Variants in ZNF185 observed in about 807,000 individuals in gnomAD.
ZNF185 encodes the protein zinc finger protein 185.
ZNF185 carries 56 observed loss-of-function variants against 58.6 expected under a neutral mutation model. The ratio of observed to expected loss-of-function variants is 0.95; its 90% CI spans 0.77 to 1.19. The LOEUF (loss-of-function observed/expected upper bound fraction) is 1.19, where lower values mean the gene tolerates loss of function less well. Among genes scored for constraint, ZNF185 ranks in the 50% most tolerant of loss-of-function variants. The pLI, the probability that ZNF185 is intolerant of heterozygous loss-of-function variation, is 0.00. For missense variants in ZNF185, 627 were observed against 573.5 expected (o/e 1.09, Z -0.95); for synonymous variants, 230 against 215.9 (o/e 1.07, Z -0.57).
the ZNF185 span, among the ~76,000 whole-genome samples, chrX:152,903,798 C>T: frequency 9.0e-6 from 1 of 111,680 alleles, no homozygotes; most frequent in South Asian, 3.8e-4. Flanking sequence ...GGAGGAATCC[C>T]GAGGCCCCAA....
intron 21 of ZNF185, 75 bp downstream of exon 23, chrX:152,969,559 G>T: frequency 1.2e-6 from 1 of 803,774 alleles, no homozygotes; most frequent in Non-Finnish European, 1.8e-6. Flanking sequence ...GTTTTGTAGA[G>T]TGCGGGAGTC....
At chrX:152,909,651 C>A (rs1426332824), upstream of ZNF185, among the ~76,000 whole-genome samples, 3 of 112,588 alleles carry the variant, frequency 2.7e-5, no homozygotes, top group Non-Finnish European at 5.6e-5. Context: ...CCCGAAACAC[C>A]CCTGCCTGCT....
intron 16 of ZNF185, among the ~76,000 whole-genome samples, chrX:152,958,293 G>A (rs1434937299): frequency 4.5e-5 from 5 of 111,522 alleles, no homozygotes; most frequent in Non-Finnish European, 9.4e-5. Flanking sequence ...CTGCTGGAAG[G>A]GGAAGAGAAG....
intron 16 of ZNF185, among the ~76,000 whole-genome samples, chrX:152,957,094 C>T (rs2048915150): frequency 9.8e-6 from 1 of 101,877 alleles, no homozygotes; most frequent in African/African-American, 3.6e-5. Flanking sequence ...TTTTTTGAGA[C>T]GGAGTCTTGT....
At chrX:152,936,256 G>A (rs980311830) in intron 14 of ZNF185, among the ~76,000 whole-genome samples, 162 bp from the exon 16 acceptor site, 5 of 112,659 alleles carry the variant, frequency 4.4e-5, no homozygotes, top group African/African-American at 1.6e-4. Context: ...AGAGCCCCAG[G>A]TGTCAGGCTG....
chrX:152,961,256 A>C (rs782350293), intron 17 of ZNF185, among the ~76,000 whole-genome samples: 17 of 111,863 alleles, frequency 1.5e-4, no homozygotes, highest in Non-Finnish European at 2.4e-4. Flanking sequence ...GGCTTCAGGA[A>C]CAGGGTGAGG....
chrX:152,930,275 G>C (rs1556876193), intron 12 of ZNF185, among the ~76,000 whole-genome samples: 3 of 112,286 alleles, frequency 2.7e-5, no homozygotes, highest in Non-Finnish European at 5.6e-5. Context: ...CATTTGACGA[G>C]TTTATTCGTA....
At chrX:152,913,089 G>C (rs1314032638), upstream of ZNF185, among the ~76,000 whole-genome samples, 1 of 112,578 alleles carries the variant, frequency 8.9e-6, no homozygotes, top group Non-Finnish European at 1.9e-5. Context: ...CTGCCCATTT[G>C]AGTGTGCCCC....
chrX:152,968,804 A>AG, intron 20 of ZNF185, among the ~76,000 whole-genome samples: 1 of 112,864 alleles, frequency 8.9e-6, no homozygotes, highest in Non-Finnish European at 1.9e-5. Flanking sequence ...AGAAAAGCAG[A>AG]GGTGACTCTC....
chrX:152,952,324 T>C (rs1446781638), intron 16 of ZNF185, among the ~76,000 whole-genome samples: 1 of 112,660 alleles, frequency 8.9e-6, no homozygotes, highest in Non-Finnish European at 1.9e-5. Flanking sequence ...TTTTGTTGTT[T>C]ACACTGAAAG....
Position 152,920,430 on chromosome X carries a change from G to T in ZNF185, c.614+19G>T. ...GCACTGGGTGAGTTGCCACCAACTG[G>T]CTCCAGGCTCTAGGACAGCTCTCCT... On this transcript the variant is annotated intron_variant, in intron 8 of 22. Transcript: ENST00000449285. 8.3e-7 allele frequency: 1 copy of T among 1,199,680 alleles called. No individual in the cohort carries two copies. The highest frequency in any genetic ancestry group is 1.1e-6 in the Non-Finnish European group (1 of 886,031).
intron 11 of ZNF185, among the ~76,000 whole-genome samples, chrX:152,925,475 C>T (rs782208220): frequency 1.8e-5 from 2 of 112,451 alleles, no homozygotes; most frequent in Non-Finnish European, 3.8e-5. Flanking sequence ...GTTGCCATAA[C>T]AAATAAAGGC....
chrX:152,915,793 C>G (rs1556865427), intron 3 of ZNF185, among the ~76,000 whole-genome samples: 1 of 112,524 alleles, frequency 8.9e-6, no homozygotes, highest in African/African-American at 3.2e-5. Context: ...CGTGGGCACA[C>G]CCTGCTGGCC....
At chrX:152,952,889 G>A (rs1301397104) in intron 16 of ZNF185, among the ~76,000 whole-genome samples, 1 of 107,749 alleles carries the variant, frequency 9.3e-6, no homozygotes, top group African/African-American at 3.4e-5. Context: ...TGCCATAGGG[G>A]CAGGGCATGT....
At chrX:152,947,055 G>A (rs1210020260) in intron 16 of ZNF185, among the ~76,000 whole-genome samples, 1 of 112,223 alleles carries the variant, frequency 8.9e-6, no homozygotes, top group East Asian at 2.8e-4. Flanking sequence ...CAGGGGCAAG[G>A]TGATGAGGCT....
the ZNF185 span, among the ~76,000 whole-genome samples, chrX:152,904,523 C>T: frequency 1.8e-5 from 2 of 112,533 alleles, no homozygotes; most frequent in African/African-American, 6.5e-5. Context: ...GAGGCTGCTT[C>T]ATCAAATGGA....
intron 16 of ZNF185, among the ~76,000 whole-genome samples, chrX:152,958,867 C>T (rs1233939089): frequency 8.9e-6 from 1 of 112,334 alleles, no homozygotes; most frequent in Non-Finnish European, 1.9e-5. Flanking sequence ...GGCGGGTGCA[C>T]GCACGCGCGC....
At chrX:152,959,818 C>T (rs1569515329) in exon 17 of ZNF185, 2 of 1,210,460 alleles carry the variant, frequency 1.7e-6, no homozygotes, top group Admixed American at 4.4e-5. Context: ...CAGCAACCTG[C>T]AGATCCCAGT....
At chrX:152,933,015 C>A in intron 14 of ZNF185, 44 bp downstream of exon 15, 1 of 1,001,876 alleles carries the variant, frequency 1.0e-6, no homozygotes, top group Non-Finnish European at 1.4e-6. Context: ...CCCCTGGTGA[C>A]AGACCAGGGT....
Sources: allele counts gnomAD v4.1 joint callset (sites outside exome capture counted in the v4.1 genomes callset), GRCh38; gene constraint gnomAD v4.1.1; transcripts MANE v1.5; gene names NCBI Gene and HGNC (gene_info 2026-07-23, HGNC 2026-07-21).